Variants in MCPH1 observed in about 807,000 individuals in gnomAD.
MCPH1 encodes microcephalin 1, also known as microcephalin.
MCPH1 carries 104 observed loss-of-function variants against 84.5 expected under a neutral mutation model. The ratio of observed to expected loss-of-function variants is 1.23; its 90% CI spans 1.05 to 1.45. MCPH1 has a LOEUF of 1.45. Among genes scored for constraint, MCPH1 ranks in the 40% most tolerant of loss-of-function variants. The pLI, the probability that MCPH1 is intolerant of heterozygous loss-of-function variation, is 0.00. For synonymous variants in MCPH1, 514 were observed against 366.8 expected, an observed-to-expected ratio of 1.40 and a Z score of -4.58; for missense variants, 1,498 against 1,005.7, an observed-to-expected ratio of 1.49 and a Z score of -6.62.
At chr8:6,526,505 C>T (rs985835741) in intron 12 of MCPH1, among the ~76,000 whole-genome samples, 3 of 151,814 alleles carry the variant, frequency 2.0e-5, no homozygotes, top group Non-Finnish European at 4.4e-5. Flanking sequence ...CTCAAATGTT[C>T]ATTTACTGTT....
chr8:6,519,805 A>G (rs946768350), intron 12 of MCPH1: 1 of 1,584,430 alleles, frequency 6.3e-7, no homozygotes, highest in Non-Finnish European at 8.6e-7. Flanking sequence ...CTGGTTCCTC[A>G]CTCACTAAAG....
rs1320189335 is a variant in MCPH1 at position 6,571,767 on chromosome 8, T to G, written c.2215-49687T>G. ...CCCCATCCATCTGGCGGACTTAATA[T>G]GAAAAAATCTTCCTGTGGGAAATTA... is the stretch of plus-strand genomic sequence containing the variant. On this transcript the variant is annotated intron_variant, in intron 12 of 13. Coordinates refer to ENST00000344683, the MANE Select transcript of MCPH1 (RefSeq NM_024596.5). 5.9e-5 allele frequency among the ~76,000 whole-genome samples: 9 copies of G among 152,286 alleles called. No homozygotes were observed. The East Asian group carries it at 1.7e-3, about 29-fold the overall frequency.
intron 12 of MCPH1, among the ~76,000 whole-genome samples, chr8:6,528,354 C>T (rs1047974134): frequency 6.6e-6 from 1 of 152,154 alleles, no homozygotes; most frequent in Non-Finnish European, 1.5e-5. Context: ...AAGTATTTTC[C>T]CTTTGCCGAA....
chr8:6,576,042 C>T (rs1371972931), intron 12 of MCPH1, among the ~76,000 whole-genome samples: 2 of 33,574 alleles, frequency 6.0e-5, no homozygotes, highest in Non-Finnish European at 1.2e-4. Context: ...CAAACTAATA[C>T]AGCCTTAAAA....
intron 3 of MCPH1, among the ~76,000 whole-genome samples, chr8:6,416,994 A>G (rs111917095): frequency 0.048 from 7,340 of 152,106 alleles, 389 homozygotes; most frequent in African/African-American, 0.14. Context: ...GGAAAAAAAA[A>G]AAAGAGTAAG....
Position 6,609,828 on chromosome 8 carries a change from C to CCCCA in MCPH1, c.2215-11625_2215-11624insCCAC, listed in dbSNP as rs1475345162. Among the ~76,000 whole-genome samples the CCCCA allele has an allele frequency of 3.1e-3, 333 of 108,768 alleles. 6 individuals are homozygous for CCCCA. Among genetic ancestry groups the CCCCA allele is most frequent in the African/African-American group, 8.8e-3 (297 of 33,624 alleles). The allele number at this position is 108,768 out of a possible 152,430, so 71.4% of individuals were successfully genotyped here. On this transcript the variant is annotated intron_variant, in intron 12 of 13. Coordinates refer to ENST00000344683, the MANE Select transcript of MCPH1 (RefSeq NM_024596.5). ...CAAAGCAATGCCCCCCGCCCCCCCCCCACACACAGACTGCCAGGTAAACCA... is the reference window on the plus strand; with the variant it reads ...CAAAGCAATGCCCCCCGCCCCCCCCCCCCACACACACAGACTGCCAGGTAAACCA...
chr8:6,444,983 C>T lies in MCPH1; in HGVS notation c.1261C>T (p.Leu421Phe), dbSNP rs370430162. ...SYDDYFSPDNLKERYSENLPP... is the reference protein window; with the variant it reads ...SYDDYFSPDNFKERYSENLPP... The stretch of plus-strand genomic sequence containing the variant: ...TGATGACTATTTTTCACCTGATAAT[C>T]TTAAGGAAAGGTATTCAGAGAATCT... Residue 421 changes from leucine (L) to phenylalanine (F), a missense_variant, in exon 8 of 14, where the codon CTT becomes TTT. Transcript: ENST00000344683. 80 of 1,614,090 alleles carry T rather than the reference C, an allele frequency of 5.0e-5. No homozygotes were observed. Among genetic ancestry groups the T allele is most frequent in the Non-Finnish European group, 5.8e-5 (69 of 1,180,044 alleles).
intron 9 of MCPH1, chr8:6,477,388 G>C (rs1033537332): frequency 1.4e-5 from 8 of 556,424 alleles, no homozygotes; most frequent in Non-Finnish European, 2.2e-5. Flanking sequence ...GGATTATTTT[G>C]GATTGCTTTG....
chr8:6,635,177 A>T (rs888959561), intron 13 of MCPH1: 3 of 152,212 alleles, frequency 2.0e-5, no homozygotes, highest in Non-Finnish European at 4.4e-5. Flanking sequence ...CATTAATGTC[A>T]TTTTTAACAT....
chr8:6,502,944 G>A, intron 12 of MCPH1: 1 of 795,566 alleles, frequency 1.3e-6, no homozygotes, highest in Non-Finnish European at 2.0e-6. Flanking sequence ...AAGTGATAAA[G>A]TTTACAGGCT....
chr8:6,539,189 G>C (rs979285997), intron 12 of MCPH1, among the ~76,000 whole-genome samples: 4 of 152,188 alleles, frequency 2.6e-5, no homozygotes, highest in African/African-American at 9.6e-5. Flanking sequence ...GCCAGAGCCT[G>C]GGGGGTAGGC....
intron 12 of MCPH1, among the ~76,000 whole-genome samples, chr8:6,596,466 C>A (rs1480635125): frequency 6.6e-6 from 1 of 152,182 alleles, no homozygotes; most frequent in Non-Finnish European, 1.5e-5. Flanking sequence ...TTGTGTCTAA[C>A]GTAGGTATCT....
At chr8:6,489,595 G>A (rs1411977800) in intron 11 of MCPH1, among the ~76,000 whole-genome samples, 1 of 152,212 alleles carries the variant, frequency 6.6e-6, no homozygotes, top group Non-Finnish European at 1.5e-5. Context: ...ATGTGTAATG[G>A]TGCGATTTGC....
At chr8:6,628,326 C>G (rs1352989619) in intron 13 of MCPH1, among the ~76,000 whole-genome samples, 1 of 151,732 alleles carries the variant, frequency 6.6e-6, no homozygotes, top group Non-Finnish European at 1.5e-5. Context: ...GAAAAATTAG[C>G]CGGTCGTGGT....
intron 3 of MCPH1, among the ~76,000 whole-genome samples, chr8:6,429,876 T>C (rs1008310394): frequency 6.6e-6 from 1 of 152,128 alleles, no homozygotes; most frequent in Non-Finnish European, 1.5e-5. Flanking sequence ...CCTGTCCCCA[T>C]GCCCCAGACC....
At position 6,480,703 on chromosome 8, in the gene MCPH1, C is replaced by A; in HGVS notation, c.1974-11C>A. 1 of 1,614,026 alleles carries A rather than the reference C, an allele frequency of 6.2e-7. No homozygotes were observed. The highest frequency in any genetic ancestry group is 8.5e-7 in the Non-Finnish European group (1 of 1,179,980). Reference sequence around the variant, plus strand: ...TCATTCATTTTGTTAATTTTTCCCCCGATTTGACAGAAAGCAGAATGTCGT... The same window carrying A: ...TCATTCATTTTGTTAATTTTTCCCCAGATTTGACAGAAAGCAGAATGTCGT... On this transcript the variant is annotated splice_polypyrimidine_tract_variant and intron_variant, in intron 10 of 13. Coordinates refer to ENST00000344683, the MANE Select transcript of MCPH1 (RefSeq NM_024596.5).
At chr8:6,631,365 G>C (rs1241983962) in intron 13 of MCPH1, among the ~76,000 whole-genome samples, 1 of 151,964 alleles carries the variant, frequency 6.6e-6, no homozygotes, top group African/African-American at 2.4e-5. Flanking sequence ...GTGCATCAAA[G>C]GATACAGTCA....
intron 3 of MCPH1, among the ~76,000 whole-genome samples, chr8:6,419,996 C>G (rs1258505682): frequency 6.6e-6 from 1 of 151,332 alleles, no homozygotes; most frequent in Non-Finnish European, 1.5e-5. Context: ...CCAGAGCGTC[C>G]TCTTCTGTCA....
At chr8:6,410,041 C>G (rs1014268912) in intron 2 of MCPH1, among the ~76,000 whole-genome samples, 3 of 151,976 alleles carry the variant, frequency 2.0e-5, no homozygotes, top group African/African-American at 7.2e-5. Context: ...GCGATCTCAG[C>G]TCACTGCAAT....
Sources: allele counts gnomAD v4.1 joint callset (sites outside exome capture counted in the v4.1 genomes callset), GRCh38; gene constraint gnomAD v4.1.1; transcripts MANE v1.5; gene names NCBI Gene and HGNC (gene_info 2026-07-23, HGNC 2026-07-21).